The following FOXO1 variants were observed in gnomAD, a reference collection of about 807,000 sequenced individuals.
The protein encoded by FOXO1 is forkhead box O1, also known as forkhead box protein O1.
FOXO1 carries 6 observed loss-of-function variants against 44.1 expected under a neutral mutation model. The ratio of observed to expected loss-of-function variants is 0.14; its 90% confidence interval spans 0.07 to 0.27. The LOEUF is 0.27. FOXO1 is among the 10% of genes least tolerant of loss of function. The probability of loss-of-function intolerance (pLI) is 1.00; values close to 1 mark genes in which losing one functional copy is unlikely to be tolerated. For synonymous variants in FOXO1, 380 were observed against 362.7 expected, an observed-to-expected ratio of 1.05 and a Z score of -0.54; for missense variants, 737 against 888.8, an observed-to-expected ratio of 0.83 and a Z score of 2.17.
chr13:40,663,740 A>C (rs952727555), intron 1 of FOXO1, among the ~76,000 whole-genome samples: 5 of 152,246 alleles, frequency 3.3e-5, no homozygotes, highest in African/African-American at 1.2e-4. Flanking sequence ...ATGCCTGGTA[A>C]TGAAGCGATA....
At chr13:40,602,764 C>T (rs1875856179) in intron 1 of FOXO1, among the ~76,000 whole-genome samples, 1 of 152,172 alleles carries the variant, frequency 6.6e-6, no homozygotes, top group African/African-American at 2.4e-5. Flanking sequence ...TAAGGCTTTT[C>T]CAGGATTTGT....
intron 1 of FOXO1, among the ~76,000 whole-genome samples, chr13:40,588,326 G>A (rs556451172): frequency 1.3e-5 from 2 of 152,296 alleles, no homozygotes; most frequent in African/African-American, 4.8e-5. Flanking sequence ...ACCAAACCTT[G>A]AGTCACCTGA....
intron 1 of FOXO1, among the ~76,000 whole-genome samples, chr13:40,658,757 C>A (rs1458800982): frequency 6.6e-6 from 1 of 152,194 alleles, no homozygotes; most frequent in Non-Finnish European, 1.5e-5. Context: ...CGCCTGTAAT[C>A]CTAGCACTTT....
chr13:40,585,343 G>GCGCACACA (rs10623475), intron 1 of FOXO1, among the ~76,000 whole-genome samples: 1,490 of 147,112 alleles, frequency 0.01, 13 homozygotes, highest in South Asian at 0.034. Context: ...CTGCGCGCGC[G>GCGCACACA]CACACACACA....
Position 40,558,274 on chromosome 13 carries a change from GTTC to G in FOXO1, c.*772_*774del, listed in dbSNP as rs1336493468. 3.3e-5 allele frequency: 5 copies of G among 152,604 alleles called. No homozygotes were observed. Among genetic ancestry groups the G allele is most frequent in the African/African-American group, 9.6e-5 (4 of 41,526 alleles). The allele number at this position is 152,604 out of a possible 1,614,324, so 9.5% of individuals were successfully genotyped here. On this transcript the variant is annotated 3_prime_UTR_variant, in exon 3 of 3. Transcript: ENST00000379561. Reference sequence around the variant, plus strand: ...ACAGTTCAATATCTATTCCAAAAATGTTCTTAAGTCCCAACAATAACATCAAAA... The same window carrying G: ...ACAGTTCAATATCTATTCCAAAAATGTTAAGTCCCAACAATAACATCAAAA...
intron 1 of FOXO1, among the ~76,000 whole-genome samples, chr13:40,580,141 T>C (rs1874903607): frequency 1.3e-5 from 2 of 152,176 alleles, no homozygotes; most frequent in African/African-American, 2.4e-5. Flanking sequence ...TGTTGCTACA[T>C]TGGGGTAACA....
chr13:40,557,133 AG>A lies in FOXO1; in HGVS notation c.*1915del, dbSNP rs1283891949. The A allele has an allele frequency of 2.6e-5, 4 of 152,244 alleles. No homozygotes were observed. In the East Asian group the frequency reaches 5.8e-4, roughly 22 times the overall value. The allele number at this position is 152,244 out of a possible 1,614,324, so 9.4% of individuals were successfully genotyped here. ...CTTGTTAAACATTTAGGAAATACCA[AG>A]CCAATGAAGATGCAATTAACATACA... On this transcript the variant is annotated 3_prime_UTR_variant, in exon 3 of 3. Transcript: ENST00000379561.
chr13:40,592,226 C>T (rs1875401469), intron 1 of FOXO1, among the ~76,000 whole-genome samples: 1 of 152,122 alleles, frequency 6.6e-6, no homozygotes, highest in Non-Finnish European at 1.5e-5. Context: ...ACTCTGATCT[C>T]CAATCTCCAG....
chr13:40,629,461 C>A (rs1216165259), intron 1 of FOXO1, among the ~76,000 whole-genome samples: 1 of 152,216 alleles, frequency 6.6e-6, no homozygotes, highest in Non-Finnish European at 1.5e-5. Context: ...GACTTTTGAA[C>A]TGCCTAAGAT....
chr13:40,646,784 G>A (rs773947202), intron 1 of FOXO1, among the ~76,000 whole-genome samples: 5 of 152,040 alleles, frequency 3.3e-5, no homozygotes, highest in Non-Finnish European at 4.4e-5. Flanking sequence ...AGTAAAGACA[G>A]GGTTTCACCA....
chr13:40,581,136 G>C (rs988168429), intron 1 of FOXO1, among the ~76,000 whole-genome samples: 9 of 152,190 alleles, frequency 5.9e-5, no homozygotes, highest in African/African-American at 1.7e-4. Context: ...CACAACAGGT[G>C]TCCAGAGAGC....
intron 1 of FOXO1, among the ~76,000 whole-genome samples, chr13:40,622,041 TCTGA>T (rs1447509099): frequency 6.6e-6 from 1 of 152,182 alleles, no homozygotes; most frequent in Non-Finnish European, 1.5e-5. Context: ...TCTCTGACAA[TCTGA>T]CTTATTAGAA....
At chr13:40,647,787 C>G (rs1233978129) in intron 1 of FOXO1, among the ~76,000 whole-genome samples, 1 of 152,174 alleles carries the variant, frequency 6.6e-6, no homozygotes, top group Non-Finnish European at 1.5e-5. Flanking sequence ...TATATAGCTT[C>G]TGGTGCCCAA....
chr13:40,599,542 T>TA (rs1384916306), intron 1 of FOXO1, among the ~76,000 whole-genome samples: 1 of 152,250 alleles, frequency 6.6e-6, no homozygotes, highest in Admixed American at 6.5e-5. Context: ...TACTAGCACT[T>TA]ATGTTCGTTT....
In FOXO1 at chr13:40,643,830, T is replaced by C. The variant is rs181821596; in HGVS notation, c.630+21753A>G. Reference sequence around the variant, plus strand: ...GCTATTGCTGTATAATACAGCATAATTACACAGCTCCTTCCTTTGAGCACC... The same window carrying C: ...GCTATTGCTGTATAATACAGCATAACTACACAGCTCCTTCCTTTGAGCACC... On this transcript the variant is annotated intron_variant, in intron 1 of 2. Transcript: ENST00000379561. 3.5e-3 allele frequency among the ~76,000 whole-genome samples: 535 copies of C among 152,332 alleles called. 4 individuals are homozygous for C. Among genetic ancestry groups the C allele is most frequent in the Non-Finnish European group, 4.9e-3 (330 of 68,034 alleles).
intron 1 of FOXO1, among the ~76,000 whole-genome samples, chr13:40,563,244 T>C (rs1311540363): frequency 6.6e-6 from 1 of 152,194 alleles, no homozygotes; most frequent in Non-Finnish European, 1.5e-5. Context: ...GCAGAGCCTC[T>C]GCACAGCAGG....
intron 1 of FOXO1, among the ~76,000 whole-genome samples, chr13:40,655,925 C>T (rs9603777): frequency 0.11 from 16,121 of 152,130 alleles, 1,184 homozygotes; most frequent in Non-Finnish European, 0.16. Context: ...GTGTGAGCCA[C>T]CGCGCCCGGA....
chr13:40,589,454 T>G (rs566166478), intron 1 of FOXO1, among the ~76,000 whole-genome samples: 1 of 152,248 alleles, frequency 6.6e-6, no homozygotes, highest in Non-Finnish European at 1.5e-5. Context: ...AGAAACAGTA[T>G]GTAAGTGTCA....
At chr13:40,623,677 A>G (rs1876691249) in intron 1 of FOXO1, among the ~76,000 whole-genome samples, 1 of 152,306 alleles carries the variant, frequency 6.6e-6, no homozygotes, top group African/African-American at 2.4e-5. Flanking sequence ...AAGTCTCACT[A>G]CACTCAAAAC....
Sources: allele counts gnomAD v4.1 joint callset (sites outside exome capture counted in the v4.1 genomes callset), GRCh38; gene constraint gnomAD v4.1.1; transcripts MANE v1.5; gene names NCBI Gene and HGNC (gene_info 2026-07-23, HGNC 2026-07-21).